MGAM2: variants seen among roughly 807,000 people sequenced by gnomAD.
MGAM2 encodes the protein maltase-glucoamylase 2 (putative), also known as probable maltase-glucoamylase 2.
MGAM2 carries 98 observed loss-of-function variants against 96.1 expected under a neutral mutation model. That is an observed-to-expected ratio of 1.02 (90% CI 0.87 to 1.21). MGAM2 has a LOEUF of 1.21. Among genes scored for constraint, MGAM2 ranks in the 50% most tolerant of loss-of-function variants. The pLI, the probability that MGAM2 is intolerant of heterozygous loss-of-function variation, is 0.00. For missense variants in MGAM2, 2,055 were observed against 1,182.4 expected, an observed-to-expected ratio of 1.74 and a Z score of -10.82; for synonymous variants, 749 against 414.8, an observed-to-expected ratio of 1.81 and a Z score of -9.79.
chr7:142,208,351 C>G, intron 45 of MGAM2: 1 of 643,564 alleles, frequency 1.6e-6, no homozygotes, highest in South Asian at 1.5e-5. Flanking sequence ...CATTTGTAAC[C>G]TTCTGACCTC....
chr7:142,188,909 T>G (rs537436073), intron 36 of MGAM2, among the ~76,000 whole-genome samples: 1 of 152,364 alleles, frequency 6.6e-6, no homozygotes, highest in East Asian at 1.9e-4. Context: ...CAACTTGTGA[T>G]GGGTTCATGG....
At chr7:142,161,787 G>A (rs540029093) in intron 22 of MGAM2, among the ~76,000 whole-genome samples, 168 bp from the exon 23 acceptor site, 2 of 152,214 alleles carry the variant, frequency 1.3e-5, no homozygotes, top group South Asian at 4.2e-4. Flanking sequence ...TGTGAATTTA[G>A]AGAAAATGGT....
chr7:142,129,369 C>G (rs948734854), intron 3 of MGAM2, among the ~76,000 whole-genome samples: 1 of 152,072 alleles, frequency 6.6e-6, no homozygotes, highest in Non-Finnish European at 1.5e-5. Flanking sequence ...TGAGTTAAAA[C>G]TTTAAGGGAC....
chr7:142,192,970 G>A (rs1211050306), intron 37 of MGAM2, among the ~76,000 whole-genome samples: 2 of 152,080 alleles, frequency 1.3e-5, no homozygotes, highest in Non-Finnish European at 2.9e-5. Flanking sequence ...TTGGCATATT[G>A]TAAGCACTCA....
intron 17 of MGAM2, among the ~76,000 whole-genome samples, chr7:142,155,225 A>G (rs1412484542): frequency 6.6e-6 from 1 of 152,230 alleles, no homozygotes; most frequent in Non-Finnish European, 1.5e-5. Context: ...GAATTTAAAG[A>G]GGCTTAGGCC....
At chr7:142,145,306 T>C (rs1444699067) in intron 14 of MGAM2, among the ~76,000 whole-genome samples, 2 of 152,214 alleles carry the variant, frequency 1.3e-5, no homozygotes, top group African/African-American at 4.8e-5. Flanking sequence ...TAAACTGAAG[T>C]AAACCTGTAA....
In MGAM2 at chr7:142,138,679, C is replaced by T; in HGVS notation, c.1086+12C>T. 1.4e-6 allele frequency: 1 copy of T among 699,204 alleles called. No individual in the cohort carries two copies. The allele number at this position is 699,204 out of a possible 1,614,324, so 43.3% of individuals were successfully genotyped here. On this transcript the variant is annotated intron_variant, in intron 10 of 47. Transcript: ENST00000477922. Reference sequence around the variant, plus strand: ...CTGAGATACCATATGTAAGTCGAAACTTCTTTTACCATGCAGTTGACACCA... The same window carrying T: ...CTGAGATACCATATGTAAGTCGAAATTTCTTTTACCATGCAGTTGACACCA...
intron 14 of MGAM2, 125 bp downstream of exon 14, chr7:142,145,070 A>C: frequency 3.4e-6 from 2 of 594,720 alleles, no homozygotes; most frequent in Non-Finnish European, 6.0e-6. Flanking sequence ...CATCCTGAGC[A>C]CTCCTCTGCC....
At chr7:142,144,260 T>C (rs1795320359) in intron 13 of MGAM2, among the ~76,000 whole-genome samples, 2 of 152,238 alleles carry the variant, frequency 1.3e-5, no homozygotes, top group South Asian at 4.1e-4. Flanking sequence ...CGTATTTTTA[T>C]GGAAGAACAA....
In MGAM2 at chr7:142,148,748, T is replaced by G. The variant is rs934342701; in HGVS notation, c.1634+1175T>G. Among the ~76,000 whole-genome samples, 1 of 152,150 alleles carries G rather than the reference T, an allele frequency of 6.6e-6. No homozygotes were observed. Among genetic ancestry groups the G allele is most frequent in the Non-Finnish European group, 1.5e-5 (1 of 68,028 alleles). On this transcript the variant is annotated intron_variant, in intron 15 of 47. Coordinates refer to ENST00000477922, the MANE Select transcript of MGAM2 (RefSeq NM_001293626.2). This position sits in a 1 kb window ranked among gnomAD's most constrained non-coding sequence, Gnocchi z 4.2. Reference sequence around the variant, plus strand: ...TCCAGTGGCTTAGGAAAGAGCATCTTTGTCTTTCTCGGCTTCTTTCCCCCT... The same window carrying G: ...TCCAGTGGCTTAGGAAAGAGCATCTGTGTCTTTCTCGGCTTCTTTCCCCCT...
At chr7:142,133,065 A>G (rs1472199362) in intron 6 of MGAM2, among the ~76,000 whole-genome samples, 1 of 134,012 alleles carries the variant, frequency 7.5e-6, no homozygotes, top group Non-Finnish European at 1.5e-5. Context: ...CAGTTTAATT[A>G]TATTTAATTT....
At chr7:142,187,203 T>C (rs1008479253) in intron 35 of MGAM2, among the ~76,000 whole-genome samples, 1 of 152,262 alleles carries the variant, frequency 6.6e-6, no homozygotes, top group Non-Finnish European at 1.5e-5. Flanking sequence ...GAGTTACATA[T>C]AACTTTTTAG....
chr7:142,133,633 CAAAAAAA>C (rs1324131294), intron 6 of MGAM2, among the ~76,000 whole-genome samples: 1 of 151,780 alleles, frequency 6.6e-6, no homozygotes. Flanking sequence ...TTTCCTTGTC[CAAAAAAA>C]GGGACTCAAA....
At chr7:142,133,491 T>C (rs188230768) in intron 6 of MGAM2, among the ~76,000 whole-genome samples, 294 of 152,054 alleles carry the variant, frequency 1.9e-3, no homozygotes, top group African/African-American at 6.6e-3. Flanking sequence ...AGTTTCAGCT[T>C]AATTCACAAA....
rs60502652 is a variant in MGAM2 at position 142,221,680 on chromosome 7, C to T, written c.7169C>T (p.Pro2390Leu). The T allele has an allele frequency of 0.078, 33,633 of 430,546 alleles. 1,519 individuals are homozygous for T. Among genetic ancestry groups the T allele is most frequent in the Admixed American group, 0.13 (3,491 of 26,182 alleles). 26.7% of individuals were successfully genotyped at this position (430,546 alleles called of 1,614,324 possible). ...ACACACATCACACAGTTCGCTACTCCCCATTCTGCTACTACTACAACACTG... is the reference window on the plus strand; with the variant it reads ...ACACACATCACACAGTTCGCTACTCTCCATTCTGCTACTACTACAACACTG... ...FTTHITQFAT[P>L]HSATTTTLAL... is the part of the protein sequence containing the mutation. Residue 2390 changes from proline to leucine, a missense_variant, in exon 48 of 48, where the codon CCC (proline) becomes CTC (leucine). Pro to Leu is a moderately conservative substitution (Grantham distance 98). Coordinates refer to ENST00000477922, the MANE Select transcript of MGAM2 (RefSeq NM_001293626.2).
In MGAM2 at chr7:142,154,835, C is replaced by T; in HGVS notation, c.1913C>T (p.Pro638Leu). 1.4e-6 allele frequency: 1 copy of T among 703,260 alleles called. No homozygotes were observed. The highest frequency in any genetic ancestry group is 2.6e-6 in the Non-Finnish European group (1 of 384,992). 43.6% of individuals were successfully genotyped at this position (703,260 alleles called of 1,614,324 possible). Residue 638 changes from proline to leucine, a missense_variant, in exon 17 of 48, where the codon CCT becomes CTT. Coordinates refer to ENST00000477922, the MANE Select transcript of MGAM2 (RefSeq NM_001293626.2). ...CCACTACCAAGGAATCACAATGGGC[C>T]TGGGTTCAGGGTAAGGTCACCAAAA... ...FYPLPRNHNG[P>L]GFRDQDPAAF... is the part of the protein sequence containing the mutation.
chr7:142,182,277 C>T (rs1796568034), intron 32 of MGAM2, among the ~76,000 whole-genome samples: 2 of 152,156 alleles, frequency 1.3e-5, no homozygotes, highest in African/African-American at 2.4e-5. Context: ...CAGAGTACTT[C>T]CAGGCCACCA....
chr7:142,206,343 T>C (rs966401006), intron 45 of MGAM2, among the ~76,000 whole-genome samples: 1 of 152,158 alleles, frequency 6.6e-6, no homozygotes, highest in Non-Finnish European at 1.5e-5. Flanking sequence ...GGCTGGTTAT[T>C]ATACATGTTT....
chr7:142,159,512 C>A (rs1795828969), intron 20 of MGAM2, among the ~76,000 whole-genome samples, 169 bp downstream of exon 20: 1 of 152,124 alleles, frequency 6.6e-6, no homozygotes, highest in Non-Finnish European at 1.5e-5. Flanking sequence ...GATGGTGCAA[C>A]AAAACACCTT....
Sources: gnomAD v4.1 joint callset for allele counts (sites outside exome capture counted in the v4.1 genomes callset) on GRCh38, gnomAD v4.1.1 for gene constraint, Gnocchi (gnomAD v3.1) non-coding constraint, MANE v1.5 for transcripts, NCBI Gene and HGNC (gene_info 2026-07-23, HGNC 2026-07-21) for gene names.